PDE3B: variants seen among roughly 807,000 people sequenced by gnomAD.
PDE3B encodes phosphodiesterase 3B, also known as cGMP-inhibited 3',5'-cyclic phosphodiesterase 3B.
A neutral mutation model predicts 116.8 loss-of-function variants in PDE3B; 66 were observed. That is an observed-to-expected ratio of 0.56 (90% CI 0.46 to 0.69). PDE3B has a LOEUF of 0.69. Among genes scored for constraint, PDE3B ranks in the 30% least tolerant of loss-of-function variants. The pLI, the probability that PDE3B is intolerant of heterozygous loss-of-function variation, is 0.00. For missense variants in PDE3B, 1,384 were observed against 1,368.1 expected, an observed-to-expected ratio of 1.01 and a Z score of -0.18; for synonymous variants, 595 against 533.6, an observed-to-expected ratio of 1.12 and a Z score of -1.59.
intron 5 of PDE3B, among the ~76,000 whole-genome samples, chr11:14,817,869 A>G (rs756278209): frequency 2.6e-4 from 40 of 152,234 alleles, no homozygotes; most frequent in South Asian, 8.3e-4. Context: ...GTTAAAGACC[A>G]ATAGGAATTA....
intron 1 of PDE3B, among the ~76,000 whole-genome samples, chr11:14,698,554 C>T (rs1196902938): frequency 6.6e-6 from 1 of 151,762 alleles, no homozygotes; most frequent in East Asian, 1.9e-4. Context: ...CATCTGTGTT[C>T]ATGAGAGATG....
chr11:14,818,449 C>A, intron 6 of PDE3B, 56 bp downstream of exon 6: 1 of 1,204,232 alleles, frequency 8.3e-7, no homozygotes, highest in Non-Finnish European at 1.2e-6. Context: ...ACAGTTAAGT[C>A]CTCAACATTT....
chr11:14,691,794 T>C (rs1361661669), intron 1 of PDE3B, among the ~76,000 whole-genome samples: 3 of 152,186 alleles, frequency 2.0e-5, no homozygotes, highest in Non-Finnish European at 4.4e-5. Flanking sequence ...TTGTATAGGA[T>C]GATATTTCAG....
intron 1 of PDE3B, among the ~76,000 whole-genome samples, chr11:14,712,396 T>C (rs1855730543): frequency 6.6e-6 from 1 of 152,102 alleles, no homozygotes; most frequent in African/African-American, 2.4e-5. Context: ...TGTTTTCTTT[T>C]TTGAGGTGCG....
chr11:14,657,639 C>T (rs1053460615), intron 1 of PDE3B, among the ~76,000 whole-genome samples: 24 of 152,122 alleles, frequency 1.6e-4, no homozygotes, highest in Admixed American at 1.6e-3. Context: ...CTACAAATAA[C>T]TTTAATACCT....
At chr11:14,768,575 A>G (rs1183624050) in intron 1 of PDE3B, among the ~76,000 whole-genome samples, 5 of 151,518 alleles carry the variant, frequency 3.3e-5, no homozygotes, top group African/African-American at 4.8e-5. Flanking sequence ...CCTATACTCC[A>G]TTGTATGAAT....
chr11:14,739,335 A>G (rs997231485), intron 1 of PDE3B, among the ~76,000 whole-genome samples: 4 of 152,056 alleles, frequency 2.6e-5, no homozygotes, highest in African/African-American at 9.7e-5. Context: ...TGTAAGTTGG[A>G]TTCCTAGGTA....
chr11:14,665,171 T>G (rs900686598), intron 1 of PDE3B, among the ~76,000 whole-genome samples: 2 of 152,172 alleles, frequency 1.3e-5, no homozygotes, highest in Non-Finnish European at 2.9e-5. Flanking sequence ...AAAAACCACA[T>G]GATTATCTCA....
intron 1 of PDE3B, among the ~76,000 whole-genome samples, chr11:14,747,311 G>C (rs1856935758): frequency 1.3e-5 from 2 of 152,156 alleles, no homozygotes; most frequent in African/African-American, 2.4e-5. Flanking sequence ...CAGTCACTCT[G>C]TTTTGTTTCA....
chr11:14,644,991 A>G lies in PDE3B; in HGVS notation c.916A>G (p.Ser306Gly). Residue 306 changes from serine (S) to glycine (G), a missense_variant, in exon 1 of 16, where the codon AGT (serine) becomes GGT (glycine). Ser to Gly is a moderately conservative substitution (Grantham distance 56). This residue lies in a region of PDE3B where 956 missense variants were observed against 806.8 expected (regional missense o/e 1.18). Transcript: ENST00000282096. ...SCVSLGETAASYYGSCKIFRR... is the reference protein window; with the variant it reads ...SCVSLGETAAGYYGSCKIFRR... ...CGTGTCGTTAGGAGAAACTGCAGCC[A>G]GTTACTATGGCAGTTGCAAAATATT... 2 of 1,613,796 alleles carry G rather than the reference A, an allele frequency of 1.2e-6. No individual in the cohort carries two copies. Among genetic ancestry groups the G allele is most frequent in the Middle Eastern group, 3.3e-4 (2 of 6,062 alleles).
chr11:14,891,433 C>T, the PDE3B span: 17 of 985,786 alleles, frequency 1.7e-5, no homozygotes, highest in Non-Finnish European at 2.0e-5. Context: ...AATCGTTTCC[C>T]AGGGCCCGCT....
rs529876267 is a variant in PDE3B at position 14,729,454 on chromosome 11, G to A, written c.979-42483G>A. Among the ~76,000 whole-genome samples, 3 of 152,308 alleles carry A rather than the reference G, an allele frequency of 2.0e-5. No individual in the cohort carries two copies. The South Asian group carries it at 6.2e-4, about 32-fold the overall frequency. ...GTTTCTCAAATTTCTTCAATGAGATGCTTTGCTTTTGTGAAAATAAGTCAT... is the reference window on the plus strand; with the variant it reads ...GTTTCTCAAATTTCTTCAATGAGATACTTTGCTTTTGTGAAAATAAGTCAT... On this transcript the variant is annotated intron_variant, in intron 1 of 15. Transcript: ENST00000282096.
rs1848123647 is a variant in PDE3B, at chr11:14,870,395, A to G, written c.*735A>G. 1 of 152,618 alleles carries G rather than the reference A, an allele frequency of 6.6e-6. No individual in the cohort carries two copies. Among genetic ancestry groups the G allele is most frequent in the South Asian group, 2.1e-4 (1 of 4,834 alleles). 9.5% of individuals were successfully genotyped at this position (152,618 alleles called of 1,614,324 possible). A position where few individuals can be genotyped will look rare whatever the true frequency, so the allele number is the denominator to read the frequency against. ...GTCTTATCTTATGTTCCATGGCTGA[A>G]TTTTAAAGCTGTTTAGGTTTAACAA... On this transcript the variant is annotated 3_prime_UTR_variant, in exon 16 of 16. Transcript: ENST00000282096. This position sits in a 1 kb window ranked among gnomAD's most constrained non-coding sequence, Gnocchi z 4.1.
chr11:14,777,527 A>C (rs1053910247), intron 2 of PDE3B, among the ~76,000 whole-genome samples: 1 of 152,228 alleles, frequency 6.6e-6, no homozygotes, highest in Non-Finnish European at 1.5e-5. Flanking sequence ...CATAACCTAT[A>C]GGGGAACACC....
intron 4 of PDE3B, among the ~76,000 whole-genome samples, chr11:14,801,049 C>T (rs545537909): frequency 1.3e-5 from 2 of 152,012 alleles, no homozygotes; most frequent in East Asian, 3.9e-4. Flanking sequence ...GTTAGCAATT[C>T]GTCTGACCTT....
intron 7 of PDE3B, among the ~76,000 whole-genome samples, chr11:14,821,797 G>T (rs571257390): frequency 2.8e-4 from 42 of 151,850 alleles, no homozygotes; most frequent in Non-Finnish European, 5.7e-4. Context: ...TGTAAGATGG[G>T]TATTATTATC....
intron 1 of PDE3B, among the ~76,000 whole-genome samples, chr11:14,769,732 G>A (rs999896833): frequency 6.8e-6 from 1 of 147,790 alleles, no homozygotes; most frequent in Non-Finnish European, 1.5e-5. Flanking sequence ...TACCAAAGAT[G>A]TACAGTATAT....
chr11:14,746,096 C>G (rs990563608), intron 1 of PDE3B, among the ~76,000 whole-genome samples: 4 of 152,198 alleles, frequency 2.6e-5, no homozygotes, highest in African/African-American at 9.6e-5. Flanking sequence ...AAATGTCTAA[C>G]GAGAGCCTGT....
intron 7 of PDE3B, among the ~76,000 whole-genome samples, chr11:14,820,526 G>C (rs1243005496): frequency 6.6e-6 from 1 of 152,176 alleles, no homozygotes; most frequent in Non-Finnish European, 1.5e-5. Flanking sequence ...AAATTGGATT[G>C]TAATGATTGT....
Sources: allele counts gnomAD v4.1 joint callset (sites outside exome capture counted in the v4.1 genomes callset), GRCh38; gene constraint gnomAD v4.1.1; regional missense constraint gnomAD v4.1.1; non-coding constraint Gnocchi (gnomAD v3.1); transcripts MANE v1.5; gene names NCBI Gene and HGNC (gene_info 2026-07-23, HGNC 2026-07-21).